The following OSBPL3 variants were observed in gnomAD, a reference collection of about 807,000 sequenced individuals.
OSBPL3 encodes the protein oxysterol-binding protein-related protein 3.
In OSBPL3, 65 loss-of-function variants were observed where a neutral mutation model predicts 120.1. The ratio of observed to expected loss-of-function variants is 0.54; its 90% CI spans 0.44 to 0.67. The LOEUF (loss-of-function observed/expected upper bound fraction) is 0.67. Ranked by LOEUF, OSBPL3 falls within the 30% of genes least tolerant of loss-of-function variation. OSBPL3 has a pLI of 0.00. For synonymous variants in OSBPL3, 416 were observed against 402.6 expected (o/e 1.03, Z -0.40); for missense variants, 1,004 against 1,082.1 (o/e 0.93, Z 1.01).
rs1792449116 is a variant in OSBPL3, at chr7:24,802,228, T to A, written c.2568-1949A>T. Among the ~76,000 whole-genome samples the A allele has an allele frequency of 6.6e-6, 1 of 152,334 alleles. No individual in the cohort carries two copies. Among genetic ancestry groups the A allele is most frequent in the Non-Finnish European group, 1.5e-5 (1 of 68,024 alleles). On this transcript the variant is annotated intron_variant, in intron 22 of 22. Transcript: ENST00000313367. The surrounding 1 kb of genome is among the most constrained non-coding windows in gnomAD (Gnocchi z 4.1). ...CAAAGAGGCTCAATTTGGTCTGAGC[T>A]CCAGCTTCCACTTAGAATTTTCAGT...
At chr7:24,888,589 G>A (rs1804872214) in intron 2 of OSBPL3, among the ~76,000 whole-genome samples, 1 of 152,018 alleles carries the variant, frequency 6.6e-6, no homozygotes, top group Admixed American at 6.6e-5. Context: ...CTCCTCCTAG[G>A]GTTTTCATGG....
At chr7:24,934,506 T>C (rs1019359007) in intron 1 of OSBPL3, among the ~76,000 whole-genome samples, 4 of 152,200 alleles carry the variant, frequency 2.6e-5, no homozygotes, top group Admixed American at 1.3e-4. Context: ...TATCTATCTT[T>C]TGGCCCCCAA....
chr7:24,865,073 T>C lies in OSBPL3; in HGVS notation c.673+269A>G, dbSNP rs565305536. 3.9e-5 allele frequency among the ~76,000 whole-genome samples: 6 copies of C among 152,320 alleles called. No individual in the cohort carries two copies. In the East Asian group the frequency reaches 1.2e-3, roughly 29 times the overall value. ...GACTCTGCCCTTGGAGACTGACTTA[T>C]AGGCCCATGTGGAAATCAGGCATCA... On this transcript the variant is annotated intron_variant, in intron 7 of 22. Transcript: ENST00000313367.
Position 24,863,074 on chromosome 7 carries a change from C to A in OSBPL3, c.870+126G>T, listed in dbSNP as rs1206227237. ...TCAATTCATCTCGCTACAGAGGACA[C>A]TGGAAAGAACAACTACAGAATATTC... is the stretch of plus-strand genomic sequence containing the variant. On this transcript the variant is annotated intron_variant, in intron 9 of 22. Transcript: ENST00000313367. This position sits in a 1 kb window ranked among gnomAD's most constrained non-coding sequence, Gnocchi z 5.8. The A allele has an allele frequency of 4.3e-6, 3 of 698,072 alleles. No individual in the cohort carries two copies. Among genetic ancestry groups the A allele is most frequent in the Non-Finnish European group, 7.8e-6 (3 of 385,108 alleles). 43.2% of individuals were successfully genotyped at this position (698,072 alleles called of 1,614,324 possible).
chr7:24,901,367 G>A (rs904969115), intron 1 of OSBPL3, among the ~76,000 whole-genome samples: 1 of 151,762 alleles, frequency 6.6e-6, no homozygotes, highest in African/African-American at 2.4e-5. Context: ...AAAAAAAAGA[G>A]AGAGAGAGTT....
At chr7:24,897,108 G>A (rs577027003) in intron 1 of OSBPL3, among the ~76,000 whole-genome samples, 1 of 150,060 alleles carries the variant, frequency 6.7e-6, no homozygotes, top group African/African-American at 2.5e-5. Flanking sequence ...AAGGAAGGCA[G>A]GCAGGCAGGC....
chr7:24,950,450 C>T (rs1201260524), intron 1 of OSBPL3, among the ~76,000 whole-genome samples: 7 of 152,216 alleles, frequency 4.6e-5, no homozygotes, highest in Non-Finnish European at 1.5e-5. Flanking sequence ...AGGCCGGGCG[C>T]GGTGGCTCAC....
At chr7:24,892,196 C>T (rs919320858) in intron 2 of OSBPL3, among the ~76,000 whole-genome samples, 181 bp downstream of exon 2, 1 of 152,168 alleles carries the variant, frequency 6.6e-6, no homozygotes, top group Non-Finnish European at 1.5e-5. Flanking sequence ...GTTCTTCCCA[C>T]CTGGTAGGCA....
rs1046233087 is a variant in OSBPL3 at position 24,803,405 on chromosome 7, T to C, written c.2567+910A>G. Among the ~76,000 whole-genome samples the C allele has an allele frequency of 1.3e-5, 2 of 152,200 alleles. No homozygotes were observed. Among genetic ancestry groups the C allele is most frequent in the Non-Finnish European group, 2.9e-5 (2 of 68,026 alleles). ...CGAGTCCTTCAACAGATCCCCCACC[T>C]GCCTTGAGCTTTCTCTTCTACTCAG... On this transcript the variant is annotated intron_variant, in intron 22 of 22. Transcript: ENST00000313367. The surrounding 1 kb of genome is among the most constrained non-coding windows in gnomAD (Gnocchi z 4.2).
Position 24,815,305 on chromosome 7 carries a change from TCATC to T in OSBPL3, c.2028-106_2028-103del. Reference sequence around the variant, plus strand: ...TAAAATAAGTCATGCAATGCATTATTCATCTCTTTATTCACAGAAGCAACACTGG... The same window carrying T: ...TAAAATAAGTCATGCAATGCATTATTTCTTTATTCACAGAAGCAACACTGG... On this transcript the variant is annotated intron_variant, in intron 18 of 22. Transcript: ENST00000313367. The surrounding 1 kb of genome is among the most constrained non-coding windows in gnomAD (Gnocchi z 5.1). 1 of 881,100 alleles carries T rather than the reference TCATC, an allele frequency of 1.1e-6. No homozygotes were observed. Among genetic ancestry groups the T allele is most frequent in the Non-Finnish European group, 1.8e-6 (1 of 556,616 alleles). 54.6% of individuals were successfully genotyped at this position (881,100 alleles called of 1,614,324 possible).
rs961366086 is a variant in OSBPL3, at chr7:24,872,312, T to C, written c.97-243A>G. 3.9e-5 allele frequency among the ~76,000 whole-genome samples: 6 copies of C among 152,098 alleles called. No homozygotes were observed. Among genetic ancestry groups the C allele is most frequent in the African/African-American group, 1.2e-4 (5 of 41,438 alleles). On this transcript the variant is annotated intron_variant, in intron 2 of 22. Transcript: ENST00000313367. This position sits in a 1 kb window ranked among gnomAD's most constrained non-coding sequence, Gnocchi z 4.1. ...TTTTTTTTTAGAAGGGAATGTTTCTTTCGGTGTTTGAACCTTAATAGGCAC... is the reference window on the plus strand; with the variant it reads ...TTTTTTTTTAGAAGGGAATGTTTCTCTCGGTGTTTGAACCTTAATAGGCAC...
Position 24,815,581 on chromosome 7 carries a change from A to G in OSBPL3, c.2028-378T>C, listed in dbSNP as rs1794368163. 6.6e-6 allele frequency among the ~76,000 whole-genome samples: 1 copy of G among 152,246 alleles called. No individual in the cohort carries two copies. The highest frequency in any genetic ancestry group is 1.5e-5 in the Non-Finnish European group (1 of 68,050). ...CTTGAGAAAGGGATGAAGGTTTTAT[A>G]CAATCTGCTAAACATACATTGCCTG... On this transcript the variant is annotated intron_variant, in intron 18 of 22. Coordinates refer to ENST00000313367, the MANE Select transcript of OSBPL3 (RefSeq NM_015550.4). The surrounding 1 kb of genome is among the most constrained non-coding windows in gnomAD (Gnocchi z 5.1).
chr7:24,851,952 T>C lies in OSBPL3; in HGVS notation c.1158+552A>G, dbSNP rs1434561686. On this transcript the variant is annotated intron_variant, in intron 11 of 22. Coordinates refer to ENST00000313367, the MANE Select transcript of OSBPL3 (RefSeq NM_015550.4). This position sits in a 1 kb window ranked among gnomAD's most constrained non-coding sequence, Gnocchi z 4.1. Reference sequence around the variant, plus strand: ...CACTTTCATGTGACTCATCTCTTTGTAGCCACAGTAGGGGGGCAGGGCAGG... The same window carrying C: ...CACTTTCATGTGACTCATCTCTTTGCAGCCACAGTAGGGGGGCAGGGCAGG... 6.6e-6 allele frequency among the ~76,000 whole-genome samples: 1 copy of C among 152,224 alleles called. No individual in the cohort carries two copies. Among genetic ancestry groups the C allele is most frequent in the Admixed American group, 6.5e-5 (1 of 15,286 alleles).
intron 15 of OSBPL3, among the ~76,000 whole-genome samples, chr7:24,832,277 C>G (rs534062655): frequency 6.7e-6 from 1 of 150,324 alleles, no homozygotes; most frequent in Non-Finnish European, 1.5e-5. Flanking sequence ...TTTGGGAGGC[C>G]GAGGTGGGCA....
intron 1 of OSBPL3, among the ~76,000 whole-genome samples, chr7:24,931,222 G>GA (rs1554409119): frequency 1.3e-5 from 2 of 152,092 alleles, no homozygotes; most frequent in Non-Finnish European, 2.9e-5. Context: ...ATTTAATTTG[G>GA]AAAAAAATTC....
At position 24,918,950 on chromosome 7, in the gene OSBPL3, C is replaced by T. The variant is rs119; in HGVS notation, c.-149-26329G>A. 0.59 allele frequency among the ~76,000 whole-genome samples: 89,875 copies of T among 151,990 alleles called. 27,106 individuals are homozygous for T. Among genetic ancestry groups the T allele is most frequent in the East Asian group, 0.76 (3,934 of 5,180 alleles). ...GTACAATGCTAGATGCTCTTACATA[C>T]GTCACATTATTTAATTCCCCGAATT... On this transcript the variant is annotated intron_variant, in intron 1 of 22. Transcript: ENST00000313367. This position sits in a 1 kb window ranked among gnomAD's most constrained non-coding sequence, Gnocchi z 4.3.
At position 24,798,182 on chromosome 7, in the gene OSBPL3, T is replaced by A. The variant is rs916386705; in HGVS notation, c.*2001A>T. On this transcript the variant is annotated 3_prime_UTR_variant, in exon 23 of 23. Coordinates refer to ENST00000313367, the MANE Select transcript of OSBPL3 (RefSeq NM_015550.4). The surrounding 1 kb of genome is among the most constrained non-coding windows in gnomAD (Gnocchi z 4.6). Reference sequence around the variant, plus strand: ...CTCTAAAATAAAGCATAAGGGCAAGTGAAATAACATTAGGATAATTAAAGA... The same window carrying A: ...CTCTAAAATAAAGCATAAGGGCAAGAGAAATAACATTAGGATAATTAAAGA... 6 of 152,210 alleles carry A rather than the reference T, an allele frequency of 3.9e-5. No individual in the cohort carries two copies. The highest frequency in any genetic ancestry group is 1.4e-4 in the African/African-American group (6 of 41,454). 9.4% of individuals were successfully genotyped at this position (152,210 alleles called of 1,614,324 possible).
At chr7:24,925,012 T>A (rs116178528) in intron 1 of OSBPL3, among the ~76,000 whole-genome samples, 1,932 of 152,336 alleles carry the variant, frequency 0.013, 38 homozygotes, top group African/African-American at 0.044. Flanking sequence ...TTTTTATATG[T>A]CGTTCTGCTC....
At chr7:24,870,403 C>G (rs976385940) in intron 5 of OSBPL3, among the ~76,000 whole-genome samples, 3 of 152,132 alleles carry the variant, frequency 2.0e-5, no homozygotes, top group Admixed American at 6.5e-5. Flanking sequence ...ACGTTTTAAC[C>G]TATGGTAAAT....
Sources: allele counts gnomAD v4.1 joint callset (sites outside exome capture counted in the v4.1 genomes callset), GRCh38; gene constraint gnomAD v4.1.1; non-coding constraint Gnocchi (gnomAD v3.1); transcripts MANE v1.5; gene names NCBI Gene and HGNC (gene_info 2026-07-23, HGNC 2026-07-21).